The following EXOC4 variants were observed in gnomAD, a reference collection of about 807,000 sequenced individuals.
EXOC4 encodes exocyst complex component 4.
A neutral mutation model predicts 107.2 loss-of-function variants in EXOC4; 71 were observed. The ratio of observed to expected loss-of-function variants is 0.66; its 90% CI spans 0.55 to 0.81. The LOEUF (loss-of-function observed/expected upper bound fraction) is 0.81, where lower values mean the gene tolerates loss of function less well. Ranked by LOEUF, EXOC4 falls within the 30% of genes least tolerant of loss-of-function variation. The pLI, the probability that EXOC4 is intolerant of heterozygous loss-of-function variation, is 0.00. For missense variants in EXOC4, 1,108 were observed against 1,189.6 expected, an observed-to-expected ratio of 0.93 and a Z score of 1.01; for synonymous variants, 456 against 441.2, an observed-to-expected ratio of 1.03 and a Z score of -0.42.
At chr7:133,988,575 C>T (rs867521426) in intron 14 of EXOC4, among the ~76,000 whole-genome samples, 6 of 152,170 alleles carry the variant, frequency 3.9e-5, no homozygotes, top group Middle Eastern at 3.4e-3. Flanking sequence ...ATGGAATATA[C>T]CTTCTATTCT....
chr7:133,272,819 T>C (rs956442654), intron 1 of EXOC4, among the ~76,000 whole-genome samples: 13 of 152,190 alleles, frequency 8.5e-5, no homozygotes, highest in Admixed American at 2.6e-4. Flanking sequence ...TAACCCTTTC[T>C]ATTCCCTAAA....
chr7:133,386,134 T>C (rs1170803124), intron 7 of EXOC4, among the ~76,000 whole-genome samples: 4 of 152,228 alleles, frequency 2.6e-5, no homozygotes, highest in Non-Finnish European at 5.9e-5. Context: ...TCTTTTCCTC[T>C]TTTAAAATAC....
At position 133,275,006 on chromosome 7, in the gene EXOC4, C is replaced by G; in HGVS notation, c.111C>G (p.Val37=). The G allele has an allele frequency of 1.2e-6, 2 of 1,611,056 alleles. No individual in the cohort carries two copies. Reference sequence around the variant, plus strand: ...GGACTCTGTCTACTAGTGACGATGTCGAAGACAGGGAAAATGAAAAGGGTC... The same window carrying G: ...GGACTCTGTCTACTAGTGACGATGTGGAAGACAGGGAAAATGAAAAGGGTC... ...VIRTLSTSDD[V]EDRENEKGRL... Residue 37 remains valine (V), a synonymous_variant, in exon 2 of 18, where the codon GTC becomes GTG. Coordinates refer to ENST00000253861, the MANE Select transcript of EXOC4 (RefSeq NM_021807.4).
chr7:133,327,073 T>G (rs552464474), intron 5 of EXOC4, among the ~76,000 whole-genome samples: 120 of 152,344 alleles, frequency 7.9e-4, no homozygotes, highest in Non-Finnish European at 1.4e-3. Context: ...AGTATTAGGG[T>G]GGGAGTGTCC....
chr7:133,545,911 T>C (rs1800471067), intron 9 of EXOC4, among the ~76,000 whole-genome samples: 1 of 152,196 alleles, frequency 6.6e-6, no homozygotes, highest in Non-Finnish European at 1.5e-5. Flanking sequence ...AATTTATATT[T>C]TGGGGTTTCC....
intron 5 of EXOC4, among the ~76,000 whole-genome samples, chr7:133,350,489 G>GT (rs539830623): frequency 1.2e-3 from 186 of 152,094 alleles, no homozygotes; most frequent in African/African-American, 4.1e-3. Context: ...TGTATGTGAG[G>GT]TTTTTTCCCC....
At position 133,816,226 on chromosome 7, in the gene EXOC4, T is replaced by C. The variant is rs563332971; in HGVS notation, c.1515-1099T>C. On this transcript the variant is annotated intron_variant, in intron 10 of 17. Coordinates refer to ENST00000253861, the MANE Select transcript of EXOC4 (RefSeq NM_021807.4). ...GTATTGAGGTATTTAAACTATGTAATTGATGGACTGATGTTATTTAACTAA... is the reference window on the plus strand; with the variant it reads ...GTATTGAGGTATTTAAACTATGTAACTGATGGACTGATGTTATTTAACTAA... 5.3e-5 allele frequency among the ~76,000 whole-genome samples: 8 copies of C among 152,338 alleles called. No homozygotes were observed. The South Asian group carries it at 1.7e-3, about 32-fold the overall frequency.
chr7:133,793,626 C>T (rs1191393007), intron 10 of EXOC4, among the ~76,000 whole-genome samples: 1 of 152,170 alleles, frequency 6.6e-6, no homozygotes, highest in Admixed American at 6.5e-5. Flanking sequence ...GGACGGATCA[C>T]CTGAGGTCAG....
Position 133,253,155 on chromosome 7 carries a change from A to G in EXOC4, c.54A>G (p.Lys18=). 6.2e-7 allele frequency: 1 copy of G among 1,614,200 alleles called. No individual in the cohort carries two copies. Among genetic ancestry groups the G allele is most frequent in the Non-Finnish European group, 8.5e-7 (1 of 1,180,010 alleles). ...ACAGAAGCACAGTCAGCAAAAGCAA[A>G]GACCCCTCGGGGCTGCTCATCTCTG... is the stretch of plus-strand genomic sequence containing the variant. ...GKYRSTVSKS[K]DPSGLLISVI... The change falls in exon 1 of 18, where the codon AAA becomes AAG. Residue 18 remains lysine (K), a synonymous_variant. Coordinates refer to ENST00000253861, the MANE Select transcript of EXOC4 (RefSeq NM_021807.4).
At position 133,704,279 on chromosome 7, in the gene EXOC4, T is replaced by C. The variant is rs1242050886; in HGVS notation, c.1514+74138T>C. ...GATCTTTATTTTTAGCTTTATGCAG[T>C]GTTTTTGTATTTTTCGTTAACTTTG... is the stretch of plus-strand genomic sequence containing the variant. On this transcript the variant is annotated intron_variant, in intron 10 of 17. Transcript: ENST00000253861. Among the ~76,000 whole-genome samples, 4 of 152,156 alleles carry C rather than the reference T, an allele frequency of 2.6e-5. No homozygotes were observed. The East Asian group carries it at 5.8e-4, about 22-fold the overall frequency.
intron 1 of EXOC4, chr7:133,253,616 G>T (rs1214317202): frequency 9.3e-6 from 6 of 648,134 alleles, no homozygotes; most frequent in Non-Finnish European, 1.1e-5. Context: ...TTCCTGTCAC[G>T]AGTTGCAGAT....
intron 10 of EXOC4, among the ~76,000 whole-genome samples, chr7:133,747,979 C>T (rs1585119313): frequency 6.6e-6 from 1 of 152,164 alleles, no homozygotes; most frequent in Admixed American, 6.6e-5. Flanking sequence ...GTCTCATTAG[C>T]TTTTTGCTCC....
chr7:133,403,395 T>C (rs1200421126), intron 7 of EXOC4, among the ~76,000 whole-genome samples: 1 of 152,310 alleles, frequency 6.6e-6, no homozygotes, highest in African/African-American at 2.4e-5. Context: ...CTACTGCATT[T>C]ATGGAAAAAC....
chr7:133,582,397 A>C (rs1333843874), intron 9 of EXOC4, among the ~76,000 whole-genome samples: 1 of 152,178 alleles, frequency 6.6e-6, no homozygotes, highest in Admixed American at 6.5e-5. Context: ...GCACTTTTAA[A>C]CAATGCTCTT....
At chr7:133,997,463 A>T (rs372580381) in intron 14 of EXOC4, 29 bp from the exon 15 acceptor site, 80 of 1,611,522 alleles carry the variant, frequency 5.0e-5, no homozygotes, top group Non-Finnish European at 6.8e-5. Context: ...ATCTAATGAA[A>T]TGATTGGTGT....
intron 10 of EXOC4, among the ~76,000 whole-genome samples, chr7:133,738,611 A>T (rs763315498): frequency 8.5e-5 from 13 of 152,200 alleles, no homozygotes; most frequent in Non-Finnish European, 1.6e-4. Flanking sequence ...CCTGTTTTTC[A>T]TAGATAATTT....
At chr7:133,314,695 T>C (rs1193478210) in intron 4 of EXOC4, among the ~76,000 whole-genome samples, 1 of 152,224 alleles carries the variant, frequency 6.6e-6, no homozygotes, top group East Asian at 1.9e-4. Context: ...AATATCAGTG[T>C]GCACACACAT....
chr7:133,926,524 A>T (rs1252614689), intron 13 of EXOC4, among the ~76,000 whole-genome samples: 1 of 152,210 alleles, frequency 6.6e-6, no homozygotes, highest in African/African-American at 2.4e-5. Context: ...CTTTCCAATA[A>T]CAGGTTGTTA....
At chr7:133,793,226 A>T (rs1305542340) in intron 10 of EXOC4, among the ~76,000 whole-genome samples, 2 of 152,160 alleles carry the variant, frequency 1.3e-5, no homozygotes, top group African/African-American at 4.8e-5. Flanking sequence ...AATTCTGGTG[A>T]TTTGAAGAGA....
Sources: gnomAD v4.1 joint callset for allele counts (sites outside exome capture counted in the v4.1 genomes callset) on GRCh38, gnomAD v4.1.1 for gene constraint, MANE v1.5 for transcripts, NCBI Gene and HGNC (gene_info 2026-07-23, HGNC 2026-07-21) for gene names.